Variants in CYB5RL observed in about 807,000 individuals in gnomAD.
CYB5RL encodes the protein cytochrome b5 reductase like, also known as NADH-cytochrome b5 reductase-like.
CYB5RL carries 38 observed loss-of-function variants against 37.5 expected under a neutral mutation model. That is an observed-to-expected ratio of 1.01 (90% CI 0.78 to 1.33). CYB5RL has a LOEUF of 1.33. Among genes scored for constraint, CYB5RL ranks in the 40% most tolerant of loss-of-function variants. The pLI, the probability that CYB5RL is intolerant of heterozygous loss-of-function variation, is 0.00. For missense variants in CYB5RL, 388 were observed against 394.4 expected (o/e 0.98, Z 0.14); for synonymous variants, 141 against 151.9 (o/e 0.93, Z 0.53).
intron 6 of CYB5RL, 43 bp from the exon 7 acceptor site, chr1:54,179,395 G>T (rs374725217): frequency 2.4e-5 from 38 of 1,574,666 alleles, no homozygotes; most frequent in Non-Finnish European, 3.3e-5. Flanking sequence ...GGTTGGGAGA[G>T]TCTCACCTTA....
Position 54,187,686 on chromosome 1 carries a change from G to C in CYB5RL, c.401C>G (p.Ala134Gly), listed in dbSNP as rs778873194. The change falls in exon 5 of 8, where the codon GCC becomes GGC. Residue 134 changes from alanine (A) to glycine (G), a missense_variant. Coordinates refer to ENST00000534324, the MANE Select transcript of CYB5RL (RefSeq NM_001031672.4). ...IQRAYTPISP[A>G]NAEGYFEVLI... is the part of the protein sequence containing the mutation. ...CACTTCAAAGTATCCTTCTGCGTTG[G>C]CAGGGCTGATGGGCGTATAGGCTCT... The C allele has an allele frequency of 6.8e-6, 11 of 1,613,948 alleles. 1 individual carries two copies. The highest frequency in any genetic ancestry group is 1.1e-5 in the South Asian group (1 of 91,074).
At chr1:54,198,418 T>C (rs1050683146) in intron 1 of CYB5RL, among the ~76,000 whole-genome samples, 1 of 151,194 alleles carries the variant, frequency 6.6e-6, no homozygotes, top group Non-Finnish European at 1.5e-5. Context: ...CTGCCAGCTC[T>C]GCCTCCCGGG....
At position 54,195,469 on chromosome 1, in the gene CYB5RL, C is replaced by A; in HGVS notation, c.148G>T (p.Ala50Ser). 1 of 1,612,578 alleles carries A rather than the reference C, an allele frequency of 6.2e-7. No individual in the cohort carries two copies. The highest frequency in any genetic ancestry group is 8.5e-7 in the Non-Finnish European group (1 of 1,179,212). The change falls in exon 3 of 8, where the codon GCA (alanine) becomes TCA (serine). Residue 50 changes from alanine to serine, a missense_variant. By Grantham distance (99) the Ala-to-Ser change is moderately conservative. Coordinates refer to ENST00000534324, the MANE Select transcript of CYB5RL (RefSeq NM_001031672.4). Reference sequence around the variant, plus strand: ...CTCCTGTCCTTGCTGGCTTGGGCTGCCTCCCACCTTGCCAGATCTCGGTGA... The same window carrying A: ...CTCCTGTCCTTGCTGGCTTGGGCTGACTCCCACCTTGCCAGATCTCGGTGA... The part of the protein sequence containing the change: ...LYHRDLARWE[A>S]AQASKDRSLL...
chr1:54,175,850 C>T (rs963874672), intron 7 of CYB5RL, among the ~76,000 whole-genome samples: 1 of 152,108 alleles, frequency 6.6e-6, no homozygotes. Context: ...CATTTTATAT[C>T]AAGGACTCGA....
In CYB5RL at chr1:54,184,383, T is replaced by A. The variant is rs948727294; in HGVS notation, c.436-118A>T. The A allele has an allele frequency of 1.8e-5, 15 of 816,106 alleles. No individual in the cohort carries two copies. In the African/African-American group the frequency reaches 2.3e-4, roughly 12 times the overall value. 50.6% of individuals were successfully genotyped at this position (816,106 alleles called of 1,614,324 possible). A position where few individuals can be genotyped will look rare whatever the true frequency, so the allele number is the denominator to read the frequency against. On this transcript the variant is annotated intron_variant, in intron 5 of 7. Coordinates refer to ENST00000534324, the MANE Select transcript of CYB5RL (RefSeq NM_001031672.4). The stretch of plus-strand genomic sequence containing the variant: ...TAAGTGCTTCACATGTGTTATCTCA[T>A]TTAATCGTCCTCCTTATCCTACAAA...
At position 54,172,704 on chromosome 1, in the gene CYB5RL, G is replaced by A. The variant is rs1003067483; in HGVS notation, c.*1915C>T. ...GGACATAACTGCATCTGCCTGGTGT[G>A]CTGTTGTTTCCCTGGTGTCTGAACA... is the stretch of plus-strand genomic sequence containing the variant. On this transcript the variant is annotated 3_prime_UTR_variant, in exon 8 of 8. Coordinates refer to ENST00000534324, the MANE Select transcript of CYB5RL (RefSeq NM_001031672.4). 1.3e-5 allele frequency: 2 copies of A among 152,296 alleles called. No homozygotes were observed. Among genetic ancestry groups the A allele is most frequent in the Admixed American group, 6.5e-5 (1 of 15,286 alleles). The allele number at this position is 152,296 out of a possible 1,614,324, so 9.4% of individuals were successfully genotyped here.
chr1:54,195,736 G>A (rs1233028359), intron 2 of CYB5RL, 21 bp from the exon 3 acceptor site: 1 of 1,177,112 alleles, frequency 8.5e-7, no homozygotes, highest in Non-Finnish European at 1.2e-6. Flanking sequence ...GAAAACATGG[G>A]GGTTATTCTC....
At position 54,170,822 on chromosome 1, in the gene CYB5RL, G is replaced by T. The variant is rs1021688357; in HGVS notation, c.*3797C>A. 1 of 311,070 alleles carries T rather than the reference G, an allele frequency of 3.2e-6. No individual in the cohort carries two copies. Among genetic ancestry groups the T allele is most frequent in the Non-Finnish European group, 6.4e-6 (1 of 156,344 alleles). The allele number at this position is 311,070 out of a possible 1,614,324, so 19.3% of individuals were successfully genotyped here. On this transcript the variant is annotated 3_prime_UTR_variant, in exon 8 of 8. Transcript: ENST00000534324. ...CCTACATGACCTTGGAAAATCGCTT[G>T]AAGTCTCAGAAGCTTAGTTTCCTCA... is the stretch of plus-strand genomic sequence containing the variant.
chr1:54,187,795 G>T lies in CYB5RL; in HGVS notation c.348-56C>A, dbSNP rs1448181912. 3.3e-6 allele frequency: 5 copies of T among 1,499,210 alleles called. No homozygotes were observed. In the East Asian group the frequency reaches 6.8e-5, roughly 20 times the overall value. 92.9% of individuals were successfully genotyped at this position (1,499,210 alleles called of 1,614,324 possible). The stretch of plus-strand genomic sequence containing the variant: ...CAGTCATTCAGCAAACCCTTTTAAG[G>T]CTGGGCACGGTGGCTCATGTCTGTA... On this transcript the variant is annotated intron_variant, in intron 4 of 7. Transcript: ENST00000534324.
rs1439629037 is a variant in CYB5RL, at chr1:54,171,487, G to A, written c.*3132C>T. On this transcript the variant is annotated 3_prime_UTR_variant, in exon 8 of 8. Transcript: ENST00000534324. Reference sequence around the variant, plus strand: ...GGAGACCCATGAGGGGAACACAGAAGTGACGTTGGTAAACATGGTGAGGGC... The same window carrying A: ...GGAGACCCATGAGGGGAACACAGAAATGACGTTGGTAAACATGGTGAGGGC... The A allele has an allele frequency of 6.6e-6, 3 of 452,624 alleles. No homozygotes were observed. The highest frequency in any genetic ancestry group is 1.3e-5 in the Non-Finnish European group (3 of 224,490). The allele number at this position is 452,624 out of a possible 1,614,324, so 28.0% of individuals were successfully genotyped here. A position where few individuals can be genotyped will look rare whatever the true frequency, so the allele number is the denominator to read the frequency against.
At chr1:54,179,009 A>C (rs1330590694) in intron 7 of CYB5RL, 140 bp downstream of exon 7, 4 of 960,186 alleles carry the variant, frequency 4.2e-6, no homozygotes, top group African/African-American at 1.6e-5. Flanking sequence ...CCTGCCTTCC[A>C]TACAGGTGGG....
chr1:54,180,322 G>A (rs1570102305), intron 6 of CYB5RL: 1 of 364,214 alleles, frequency 2.7e-6, no homozygotes, highest in East Asian at 7.5e-5. Flanking sequence ...CCAGGCTCTA[G>A]GCCTCTTAAA....
At chr1:54,191,074 G>A (rs957360222) in intron 3 of CYB5RL, among the ~76,000 whole-genome samples, 178 bp from the exon 4 acceptor site, 5 of 152,174 alleles carry the variant, frequency 3.3e-5, no homozygotes, top group Non-Finnish European at 2.9e-5. Context: ...ATGCCAGAGC[G>A]CTTTCCTTTG....
Position 54,179,320 on chromosome 1 carries a change from C to G in CYB5RL, c.573G>C (p.Thr191=), listed in dbSNP as rs201981542. 250 of 1,613,564 alleles carry G rather than the reference C, an allele frequency of 1.5e-4. 3 individuals are homozygous for G. In the African/African-American group the frequency reaches 3.0e-3, roughly 19 times the overall value. The part of the protein sequence containing the change: ...YGELLLLAAG[T]GLAPMVPILQ... ...GGATAGGCACCATGGGGGCCAGGCC[C>G]GTGCCCGCAGCCAGCAAGAGGAGCT... is the stretch of plus-strand genomic sequence containing the variant. Residue 191 remains threonine (T), a synonymous_variant, in exon 7 of 8, where the codon ACG becomes ACC. Coordinates refer to ENST00000534324, the MANE Select transcript of CYB5RL (RefSeq NM_001031672.4).
chr1:54,198,737 T>A (rs1482577829), intron 1 of CYB5RL, among the ~76,000 whole-genome samples: 2 of 149,978 alleles, frequency 1.3e-5, no homozygotes. Flanking sequence ...GCCCAAGTGA[T>A]CCTCCCATCT....
At chr1:54,179,413 T>C in intron 6 of CYB5RL, 61 bp from the exon 7 acceptor site, 5 of 1,527,750 alleles carry the variant, frequency 3.3e-6, no homozygotes, top group Non-Finnish European at 4.4e-6. Flanking sequence ...TTATCCCCTC[T>C]ACTATGGGAC....
At chr1:54,186,615 T>C (rs1213909815) in intron 5 of CYB5RL, among the ~76,000 whole-genome samples, 1 of 152,182 alleles carries the variant, frequency 6.6e-6, no homozygotes, top group Admixed American at 6.5e-5. Context: ...AGGCTTATCC[T>C]TTCCACAGAA....
chr1:54,179,486 C>G, intron 6 of CYB5RL, 134 bp from the exon 7 acceptor site: 1 of 808,290 alleles, frequency 1.2e-6, no homozygotes, highest in Non-Finnish European at 1.9e-6. Context: ...CCACCTATGT[C>G]CCCTCTCTAC....
chr1:54,198,513 T>C (rs1644036614), intron 1 of CYB5RL, among the ~76,000 whole-genome samples: 1 of 151,910 alleles, frequency 6.6e-6, no homozygotes, highest in Non-Finnish European at 1.5e-5. Flanking sequence ...TTTGTATTTT[T>C]AGTAGAGACG....
Sources: gnomAD v4.1 joint callset for allele counts (sites outside exome capture counted in the v4.1 genomes callset) on GRCh38, gnomAD v4.1.1 for gene constraint, MANE v1.5 for transcripts, NCBI Gene and HGNC (gene_info 2026-07-23, HGNC 2026-07-21) for gene names.